The following FAM185A variants were observed in gnomAD, a reference collection of about 807,000 sequenced individuals.
FAM185A encodes family with sequence similarity 185 member A, also known as protein FAM185A.
In FAM185A, 21 loss-of-function variants were observed where a neutral mutation model predicts 45.7. The ratio of observed to expected loss-of-function variants is 0.46; its 90% CI spans 0.33 to 0.66. The LOEUF (loss-of-function observed/expected upper bound fraction) is 0.66, where lower values mean the gene tolerates loss of function less well. FAM185A is among the 30% of genes least tolerant of loss of function. FAM185A has a pLI of 0.03. For synonymous variants in FAM185A, 117 were observed against 194.0 expected (o/e 0.60, Z 3.30); for missense variants, 305 against 485.4 (o/e 0.63, Z 3.49).
the FAM185A span, among the ~76,000 whole-genome samples, chr7:102,839,022 A>G: frequency 6.6e-6 from 1 of 152,218 alleles, no homozygotes; most frequent in Non-Finnish European, 1.5e-5. Flanking sequence ...GCCCCTGGAA[A>G]CGGCATGTCT....
downstream of FAM185A, among the ~76,000 whole-genome samples, chr7:102,810,937 T>C (rs1212977995): frequency 1.3e-5 from 2 of 152,206 alleles, no homozygotes; most frequent in Non-Finnish European, 2.9e-5. Context: ...ACTTCTTATT[T>C]ATGAAACAAA....
intron 2 of FAM185A, chr7:102,755,171 G>A: frequency 1.6e-5 from 6 of 379,086 alleles, no homozygotes; most frequent in Non-Finnish European, 1.4e-5. Context: ...GAGGCCAAGG[G>A]GAAGAAGTTG....
At chr7:102,804,944 A>G (rs564584481) in intron 7 of FAM185A, among the ~76,000 whole-genome samples, 30 of 152,306 alleles carry the variant, frequency 2.0e-4, no homozygotes, top group African/African-American at 6.7e-4. Context: ...CAACATCACT[A>G]ATGATCAGGG....
At chr7:102,831,429 A>AC in the FAM185A span, among the ~76,000 whole-genome samples, 1 of 148,662 alleles carries the variant, frequency 6.7e-6, no homozygotes, top group African/African-American at 2.5e-5. Flanking sequence ...ACACACACAC[A>AC]CACCCCACTA....
intron 7 of FAM185A, among the ~76,000 whole-genome samples, chr7:102,794,971 T>C (rs1197976058): frequency 1.3e-5 from 2 of 152,220 alleles, no homozygotes; most frequent in African/African-American, 4.8e-5. Context: ...ATGTAGAGAA[T>C]AGACAAGTGG....
Position 102,772,442 on chromosome 7 carries a change from T to C in FAM185A, c.827T>C (p.Ile276Thr), listed in dbSNP as rs375354341. The change falls in exon 5 of 8, where the codon ATC becomes ACC. Residue 276 changes from isoleucine (I) to threonine (T), a missense_variant. Around this residue, in one of 5 missense-constraint regions of FAM185A, gnomAD observed 44 missense variants for 66.8 expected, o/e 0.66. Transcript: ENST00000413034. ...ACATTACAAAGCAAGATGGGTAACA[T>C]CACAGTAGGTATGTGCTAAGCTACT... The part of the protein sequence containing the change: ...NITLQSKMGN[I>T]TVDSSSGCLK... 33 of 1,545,432 alleles carry C rather than the reference T, an allele frequency of 2.1e-5. No individual in the cohort carries two copies. Among genetic ancestry groups the C allele is most frequent in the Non-Finnish European group, 2.9e-5 (33 of 1,144,500 alleles).
chr7:102,845,606 A>G, the FAM185A span, among the ~76,000 whole-genome samples: 1 of 152,118 alleles, frequency 6.6e-6, no homozygotes, highest in South Asian at 2.1e-4. Flanking sequence ...CTCATCCCTC[A>G]TCTGAACTAT....
the FAM185A span, among the ~76,000 whole-genome samples, chr7:102,831,138 G>A: frequency 0.029 from 4,440 of 152,264 alleles, 189 homozygotes; most frequent in East Asian, 0.16. Context: ...ACCTGGAGAA[G>A]AAGATCTGGC....
chr7:102,808,994 G>C lies in FAM185A; in HGVS notation c.*592G>C, dbSNP rs1012321393. ...CACTTGATTAGGTCAGGCCCACCCA[G>C]GATAACCTTTGTTTTGCCATATAAT... is the stretch of plus-strand genomic sequence containing the variant. On this transcript the variant is annotated 3_prime_UTR_variant, in exon 8 of 8. Coordinates refer to ENST00000413034, the MANE Select transcript of FAM185A (RefSeq NM_001145268.2). 1.3e-5 allele frequency: 2 copies of C among 152,444 alleles called. No homozygotes were observed. The highest frequency in any genetic ancestry group is 2.9e-5 in the Non-Finnish European group (2 of 68,264). 9.4% of individuals were successfully genotyped at this position (152,444 alleles called of 1,614,324 possible). A position where few individuals can be genotyped will look rare whatever the true frequency, so the allele number is the denominator to read the frequency against.
the FAM185A span, among the ~76,000 whole-genome samples, chr7:102,833,726 C>T: frequency 6.6e-6 from 1 of 151,656 alleles, no homozygotes; most frequent in Non-Finnish European, 1.5e-5. Flanking sequence ...CCCAGCTCCT[C>T]TTTTTTAACT....
At chr7:102,835,371 G>A in the FAM185A span, among the ~76,000 whole-genome samples, 2 of 152,056 alleles carry the variant, frequency 1.3e-5, no homozygotes, top group Non-Finnish European at 2.9e-5. Context: ...TTGAATTATT[G>A]GAATCAGTGG....
chr7:102,755,391 G>C (rs2129432472), intron 2 of FAM185A: 1 of 588,896 alleles, frequency 1.7e-6, no homozygotes, highest in East Asian at 2.8e-5. Context: ...CGATTAACCA[G>C]TTCACCCAGG....
chr7:102,810,148 C>A (rs1023893379), downstream of FAM185A, among the ~76,000 whole-genome samples: 1 of 152,168 alleles, frequency 6.6e-6, no homozygotes, highest in African/African-American at 2.4e-5. Context: ...TAGAAATCAC[C>A]CAGCTTCAGG....
the FAM185A span, among the ~76,000 whole-genome samples, chr7:102,838,757 T>C: frequency 4.6e-5 from 7 of 152,288 alleles, no homozygotes; most frequent in African/African-American, 1.7e-4. Flanking sequence ...GTAAAAGTCA[T>C]CGCCATTCTG....
chr7:102,787,289 T>C, intron 6 of FAM185A, 46 bp from the exon 7 acceptor site: 3 of 1,290,690 alleles, frequency 2.3e-6, no homozygotes, highest in Non-Finnish European at 3.0e-6. Flanking sequence ...ACTCTGGTAC[T>C]TTTGATTTCT....
chr7:102,780,831 C>A (rs1005317901), intron 6 of FAM185A, among the ~76,000 whole-genome samples: 3 of 152,198 alleles, frequency 2.0e-5, no homozygotes, highest in African/African-American at 7.2e-5. Context: ...GTGGGCGCAG[C>A]GCACCGAGCG....
chr7:102,786,449 A>G (rs561452403), intron 6 of FAM185A, among the ~76,000 whole-genome samples: 1 of 152,234 alleles, frequency 6.6e-6, no homozygotes, highest in Non-Finnish European at 1.5e-5. Context: ...ACAATGACAG[A>G]CTGGATTAAG....
the FAM185A span, among the ~76,000 whole-genome samples, chr7:102,838,182 G>T: frequency 6.6e-6 from 1 of 152,134 alleles, no homozygotes; most frequent in Non-Finnish European, 1.5e-5. Context: ...GAGATGTTTT[G>T]TGTCTCTGGA....
At chr7:102,838,289 G>C in the FAM185A span, among the ~76,000 whole-genome samples, 1 of 152,166 alleles carries the variant, frequency 6.6e-6, no homozygotes, top group Non-Finnish European at 1.5e-5. Flanking sequence ...CTACTTCATA[G>C]AGTTGTTGGG....
Sources: allele counts gnomAD v4.1 joint callset (sites outside exome capture counted in the v4.1 genomes callset), GRCh38; gene constraint gnomAD v4.1.1; regional missense constraint gnomAD v4.1.1; transcripts MANE v1.5; gene names NCBI Gene and HGNC (gene_info 2026-07-23, HGNC 2026-07-21).